The following SAMMSON variants were observed in gnomAD, a reference collection of about 807,000 sequenced individuals.
The protein encoded by SAMMSON is survival associated mitochondrial melanoma specific oncogenic non-coding RNA.
chr3:70,280,021 A>C (rs1702065227), intron 6 of SAMMSON, among the ~76,000 whole-genome samples: 1 of 152,188 alleles, frequency 6.6e-6, no homozygotes, highest in Non-Finnish European at 1.5e-5. Flanking sequence ...TCTTGAGGCC[A>C]GAAGTGTGAA....
At chr3:70,388,804 A>T (rs998818196) in intron 9 of SAMMSON, among the ~76,000 whole-genome samples, 2 of 152,102 alleles carry the variant, frequency 1.3e-5, no homozygotes, top group African/African-American at 2.4e-5. Context: ...ATTTTTGTTA[A>T]TTGCAGTCAT....
At chr3:70,083,811 C>G (rs938410379) in intron 4 of SAMMSON, among the ~76,000 whole-genome samples, 1 of 152,118 alleles carries the variant, frequency 6.6e-6, no homozygotes, top group African/African-American at 2.4e-5. Context: ...CCTTACTTAA[C>G]CTTCACACAG....
intron 4 of SAMMSON, among the ~76,000 whole-genome samples, chr3:70,151,732 C>T (rs932384443): frequency 6.6e-6 from 1 of 151,874 alleles, no homozygotes; most frequent in Non-Finnish European, 1.5e-5. Context: ...GTCATCTCAT[C>T]ATGTAAATGG....
chr3:70,115,136 G>A lies in SAMMSON; in HGVS notation n.507+43571G>A, dbSNP rs200351463. On this transcript the variant is annotated intron_variant and non_coding_transcript_variant, in intron 4 of 9. Transcript: ENST00000642114. ...CACATATTCATTAAGTGCCTGGTCT[G>A]AAAATTTTGATGTTTATTTCCTTTG... Among the ~76,000 whole-genome samples, 7 of 141,498 alleles carry A rather than the reference G, an allele frequency of 4.9e-5. No individual in the cohort carries two copies. The East Asian group carries it at 1.5e-3, about 31-fold the overall frequency. The allele number at this position is 141,498 out of a possible 152,430, so 92.8% of individuals were successfully genotyped here. A position where few individuals can be genotyped will look rare whatever the true frequency, so the allele number is the denominator to read the frequency against.
Position 70,374,971 on chromosome 3 carries a change from T to G in SAMMSON, n.914-14603T>G, listed in dbSNP as rs767344639. On this transcript the variant is annotated intron_variant and non_coding_transcript_variant, in intron 9 of 9. Transcript: ENST00000642114. ...TTCTAGGTTGTTATTTTCTCCAATA[T>G]TGAGTCTGATACATATGAGGCTAAA... 6.6e-5 allele frequency among the ~76,000 whole-genome samples: 10 copies of G among 152,248 alleles called. No homozygotes were observed. The Middle Eastern group carries it at 0.017, about 259-fold the overall frequency.
chr3:70,329,510 A>T (rs1296916008), intron 7 of SAMMSON, among the ~76,000 whole-genome samples: 1 of 152,008 alleles, frequency 6.6e-6, no homozygotes, highest in Non-Finnish European at 1.5e-5. Context: ...ATTATTATAA[A>T]AATATTGTAT....
intron 4 of SAMMSON, among the ~76,000 whole-genome samples, chr3:70,148,917 A>G (rs1359525950): frequency 6.6e-6 from 1 of 152,102 alleles, no homozygotes; most frequent in Non-Finnish European, 1.5e-5. Flanking sequence ...AGATTATGCC[A>G]TCTGAGATTT....
At chr3:70,151,097 G>T (rs986538737) in intron 4 of SAMMSON, among the ~76,000 whole-genome samples, 3 of 12,486 alleles carry the variant, frequency 2.4e-4, no homozygotes, top group Non-Finnish European at 8.7e-4. Flanking sequence ...TCAACAGAGA[G>T]AATTTAATGG....
At chr3:70,017,498 T>C (rs1231958910) in intron 3 of SAMMSON, among the ~76,000 whole-genome samples, 2 of 151,908 alleles carry the variant, frequency 1.3e-5, no homozygotes, top group African/African-American at 4.8e-5. Context: ...GACGATGGGG[T>C]TTTCTAGATA....
chr3:70,107,336 A>G (rs1170481684), intron 4 of SAMMSON, among the ~76,000 whole-genome samples: 1 of 152,130 alleles, frequency 6.6e-6, no homozygotes, highest in African/African-American at 2.4e-5. Context: ...AAGAAAATAT[A>G]AAAGGGAGGG....
intron 9 of SAMMSON, among the ~76,000 whole-genome samples, chr3:70,360,243 A>C (rs12629948): frequency 0.11 from 16,225 of 152,138 alleles, 1,372 homozygotes; most frequent in East Asian, 0.52. Flanking sequence ...CCTCATATGG[A>C]TTAAAACATG....
intron 4 of SAMMSON, among the ~76,000 whole-genome samples, chr3:70,127,490 A>C (rs2067464558): frequency 6.6e-6 from 1 of 152,292 alleles, no homozygotes; most frequent in African/African-American, 2.4e-5. Flanking sequence ...TAATGGCTGC[A>C]TTTCCTATCC....
intron 6 of SAMMSON, among the ~76,000 whole-genome samples, chr3:70,261,693 A>G (rs1383016679): frequency 1.3e-5 from 2 of 152,174 alleles, no homozygotes; most frequent in East Asian, 3.9e-4. Context: ...CAGAATGCCA[A>G]GTTATCTTGC....
At chr3:70,373,212 C>A (rs1207961460) in intron 9 of SAMMSON, among the ~76,000 whole-genome samples, 1 of 151,992 alleles carries the variant, frequency 6.6e-6, no homozygotes, top group Non-Finnish European at 1.5e-5. Flanking sequence ...CTAGGAATGT[C>A]ATTATTTTCC....
chr3:70,004,049 G>C (rs1304056730), intron 1 of SAMMSON, among the ~76,000 whole-genome samples: 2 of 151,876 alleles, frequency 1.3e-5, no homozygotes, highest in Non-Finnish European at 2.9e-5. Context: ...TTTTGCAGGA[G>C]AGGAGGAGAG....
At chr3:70,151,432 C>G (rs78883357) in intron 4 of SAMMSON, among the ~76,000 whole-genome samples, 11,319 of 152,090 alleles carry the variant, frequency 0.074, 588 homozygotes, top group Non-Finnish European at 0.11. Flanking sequence ...TTATGAGTTA[C>G]AATCCCAACT....
At chr3:70,196,418 G>C (rs1419950009) in intron 4 of SAMMSON, among the ~76,000 whole-genome samples, 1 of 152,052 alleles carries the variant, frequency 6.6e-6, no homozygotes, top group South Asian at 2.1e-4. Context: ...AATTTTAAGA[G>C]ACTGTATAAA....
chr3:70,091,919 C>T (rs534671189), intron 4 of SAMMSON, among the ~76,000 whole-genome samples: 2 of 152,224 alleles, frequency 1.3e-5, no homozygotes, highest in African/African-American at 4.8e-5. Context: ...ATTTTGGAAC[C>T]CCTGTCTGCC....
intron 7 of SAMMSON, among the ~76,000 whole-genome samples, chr3:70,301,940 T>G (rs919418210): frequency 6.6e-6 from 1 of 152,144 alleles, no homozygotes; most frequent in African/African-American, 2.4e-5. Context: ...TTGTCTGTTG[T>G]TTGAGATTAG....
Sources: allele counts gnomAD v4.1 joint callset (sites outside exome capture counted in the v4.1 genomes callset), GRCh38; gene constraint gnomAD v4.1.1; transcripts MANE v1.5; gene names NCBI Gene and HGNC (gene_info 2026-07-23, HGNC 2026-07-21).